The following LDLRAD3 variants were observed in gnomAD, a reference collection of about 807,000 sequenced individuals.
LDLRAD3 encodes low density lipoprotein receptor class A domain containing 3, also known as low-density lipoprotein receptor class A domain-containing protein 3.
In LDLRAD3, 20 loss-of-function variants were observed where a neutral mutation model predicts 29.4. The observed-to-expected ratio is 0.68, with a 90% CI of 0.48 to 0.99. The LOEUF (loss-of-function observed/expected upper bound fraction) is 0.99. Among genes scored for constraint, LDLRAD3 ranks in the 50% least tolerant of loss-of-function variants. The pLI, the probability that LDLRAD3 is intolerant of heterozygous loss-of-function variation, is 0.00. For synonymous variants in LDLRAD3, 157 were observed against 192.7 expected (o/e 0.81, Z 1.53); for missense variants, 420 against 454.3 (o/e 0.92, Z 0.69).
intron 4 of LDLRAD3, among the ~76,000 whole-genome samples, chr11:36,175,073 T>A (rs1051856286): frequency 1.3e-5 from 2 of 152,192 alleles, no homozygotes; most frequent in African/African-American, 4.8e-5. Context: ...AATACGAACA[T>A]TTTTACGCTG....
At chr11:36,131,682 G>A (rs1406427211) in intron 4 of LDLRAD3, among the ~76,000 whole-genome samples, 1 of 152,190 alleles carries the variant, frequency 6.6e-6, no homozygotes, top group East Asian at 1.9e-4. Context: ...GAATTATTGT[G>A]ATGATTTGCC....
intron 2 of LDLRAD3, among the ~76,000 whole-genome samples, chr11:36,053,084 G>A (rs545306691): frequency 6.6e-6 from 1 of 152,030 alleles, no homozygotes; most frequent in African/African-American, 2.4e-5. Context: ...TGGGGGCTTG[G>A]AGCATGGACT....
At chr11:36,051,951 G>T (rs966181046) in intron 2 of LDLRAD3, among the ~76,000 whole-genome samples, 4 of 152,046 alleles carry the variant, frequency 2.6e-5, no homozygotes, top group African/African-American at 7.2e-5. Context: ...ATTTGGGGAT[G>T]ACTGAAAAGC....
chr11:35,960,011 C>T (rs1851256499), intron 1 of LDLRAD3, among the ~76,000 whole-genome samples: 1 of 152,174 alleles, frequency 6.6e-6, no homozygotes, highest in Non-Finnish European at 1.5e-5. Context: ...GCCCAGAGGT[C>T]ATCACTATCC....
At chr11:36,220,137 AG>A (rs1247833628) in intron 4 of LDLRAD3, among the ~76,000 whole-genome samples, 30 of 152,354 alleles carry the variant, frequency 2.0e-4, no homozygotes, top group African/African-American at 7.2e-4. Flanking sequence ...GGTATCAATA[AG>A]ATACCACTAA....
chr11:36,190,949 A>G (rs34016181), intron 4 of LDLRAD3, among the ~76,000 whole-genome samples: 6,042 of 152,276 alleles, frequency 0.04, 404 homozygotes, highest in African/African-American at 0.13. Context: ...AATCGTTTCA[A>G]CTCAAGTTCT....
At chr11:36,038,723 T>A (rs1029832012) in intron 2 of LDLRAD3, among the ~76,000 whole-genome samples, 1 of 152,168 alleles carries the variant, frequency 6.6e-6, no homozygotes, top group Admixed American at 6.5e-5. Flanking sequence ...TTCTCCATTA[T>A]TTTTTTCCCC....
At chr11:36,187,827 C>T (rs1019548920) in intron 4 of LDLRAD3, among the ~76,000 whole-genome samples, 7 of 152,194 alleles carry the variant, frequency 4.6e-5, no homozygotes, top group Non-Finnish European at 5.9e-5. Flanking sequence ...TTACTGGAGA[C>T]AAGCCTCTGT....
intron 4 of LDLRAD3, chr11:36,197,464 G>C (rs72937449): frequency 6.6e-6 from 1 of 152,150 alleles, no homozygotes; most frequent in Non-Finnish European, 1.5e-5. Context: ...TGGGTACACA[G>C]TCTTTCTGTG....
chr11:35,967,911 T>A lies in LDLRAD3; in HGVS notation c.46+23767T>A, dbSNP rs190961511. ...ACCAGGTGGGGTGATGTCCAAACAC[T>A]GTATGAGCATAAACTTCACGCAAAG... On this transcript the variant is annotated intron_variant, in intron 1 of 5. Transcript: ENST00000315571. 1.4e-3 allele frequency: 536 copies of A among 392,140 alleles called. 5 individuals carry two copies. The highest frequency in any genetic ancestry group is 0.013 in the Admixed American group (412 of 30,730). 24.3% of individuals were successfully genotyped at this position (392,140 alleles called of 1,614,324 possible). A position where few individuals can be genotyped will look rare whatever the true frequency, so the allele number is the denominator to read the frequency against.
In LDLRAD3 at chr11:36,229,421, A is replaced by G. The variant is rs1464148250; in HGVS notation, c.*24A>G. 2 of 1,520,284 alleles carry G rather than the reference A, an allele frequency of 1.3e-6. No individual in the cohort carries two copies. Among genetic ancestry groups the G allele is most frequent in the Non-Finnish European group, 9.1e-7 (1 of 1,098,212 alleles). The allele number at this position is 1,520,284 out of a possible 1,614,324, so 94.2% of individuals were successfully genotyped here. A position where few individuals can be genotyped will look rare whatever the true frequency, so the allele number is the denominator to read the frequency against. On this transcript the variant is annotated 3_prime_UTR_variant, in exon 6 of 6. Transcript: ENST00000315571. Reference sequence around the variant, plus strand: ...AAGTCCCAGTTATTCCAAAGTCCATATGGGTTAATCTGCTCTGACTTGTTG... The same window carrying G: ...AAGTCCCAGTTATTCCAAAGTCCATGTGGGTTAATCTGCTCTGACTTGTTG...
chr11:36,090,423 A>G (rs1853262723), intron 3 of LDLRAD3, among the ~76,000 whole-genome samples: 1 of 152,136 alleles, frequency 6.6e-6, no homozygotes, highest in South Asian at 2.1e-4. Flanking sequence ...GTGTTCAGGC[A>G]GAGGAACCCA....
At chr11:35,967,056 C>G in intron 1 of LDLRAD3, 1 of 205,296 alleles carries the variant, frequency 4.9e-6, no homozygotes, top group East Asian at 1.2e-4. Context: ...AGACCTTGCA[C>G]TCTTTCCTCC....
chr11:36,019,839 C>T (rs541877890), intron 1 of LDLRAD3, among the ~76,000 whole-genome samples: 15 of 152,238 alleles, frequency 9.9e-5, no homozygotes, highest in Non-Finnish European at 2.1e-4. Context: ...GGACTGGAGG[C>T]GTGACTGAGA....
chr11:36,074,690 G>A (rs1415201346), intron 2 of LDLRAD3, among the ~76,000 whole-genome samples: 2 of 152,172 alleles, frequency 1.3e-5, no homozygotes, highest in Non-Finnish European at 2.9e-5. Flanking sequence ...AGCGTAGATG[G>A]CAAAGCCTAT....
At chr11:36,040,437 G>A (rs1047581546) in intron 2 of LDLRAD3, among the ~76,000 whole-genome samples, 2 of 152,008 alleles carry the variant, frequency 1.3e-5, no homozygotes, top group South Asian at 2.1e-4. Context: ...CAGTGTAATC[G>A]CCAGGGGTGT....
chr11:36,199,876 A>G (rs1855097079), intron 4 of LDLRAD3, among the ~76,000 whole-genome samples: 2 of 152,226 alleles, frequency 1.3e-5, no homozygotes, highest in Admixed American at 6.5e-5. Context: ...ACAAAATACC[A>G]TAGACTGGAG....
At chr11:36,223,546 T>C (rs1418359379) in intron 4 of LDLRAD3, among the ~76,000 whole-genome samples, 2 of 151,904 alleles carry the variant, frequency 1.3e-5, no homozygotes, top group African/African-American at 2.4e-5. Flanking sequence ...CTGGGCAACA[T>C]AGGGAGACTC....
chr11:36,028,222 A>T (rs2133203612), intron 1 of LDLRAD3, among the ~76,000 whole-genome samples: 1 of 152,312 alleles, frequency 6.6e-6, no homozygotes, highest in African/African-American at 2.4e-5. Flanking sequence ...CAGAACTGGA[A>T]AGGTTCTTAA....
Sources: gnomAD v4.1 joint callset for allele counts (sites outside exome capture counted in the v4.1 genomes callset) on GRCh38, gnomAD v4.1.1 for gene constraint, MANE v1.5 for transcripts, NCBI Gene and HGNC (gene_info 2026-07-23, HGNC 2026-07-21) for gene names.